FRAS1: variants seen among roughly 807,000 people sequenced by gnomAD.
FRAS1 encodes Fraser extracellular matrix complex subunit 1.
Under a neutral mutation model 435.2 loss-of-function variants are expected in FRAS1, and 290 were observed. That is an observed-to-expected ratio of 0.67 (90% CI 0.61 to 0.73). FRAS1 has a LOEUF of 0.73. Among genes scored for constraint, FRAS1 ranks in the 30% least tolerant of loss-of-function variants. The probability of loss-of-function intolerance (pLI) is 0.00; values close to 1 mark genes in which losing one functional copy is unlikely to be tolerated. For missense variants in FRAS1, 4,860 were observed against 5,001.5 expected (o/e 0.97, Z 0.85); for synonymous variants, 1,800 against 1,851.0 (o/e 0.97, Z 0.71).
intron 14 of FRAS1, among the ~76,000 whole-genome samples, chr4:78,298,889 T>C (rs1362790392): frequency 2.0e-5 from 3 of 152,092 alleles, no homozygotes; most frequent in Non-Finnish European, 4.4e-5. Flanking sequence ...CTGAATTCCA[T>C]TGAGATTGAT....
chr4:78,066,203 T>C (rs67045362), intron 2 of FRAS1, among the ~76,000 whole-genome samples, 187 bp downstream of exon 2: 25,069 of 152,194 alleles, frequency 0.16, 2,351 homozygotes, highest in Non-Finnish European at 0.21. Context: ...GTGAATTAGT[T>C]CTATTCAGAT....
intron 24 of FRAS1, 74 bp downstream of exon 24, chr4:78,372,932 A>C (rs1372700618): frequency 1.4e-6 from 2 of 1,437,618 alleles, no homozygotes; most frequent in African/African-American, 2.9e-5. Context: ...TCTCAGAAGG[A>C]AACAGTGGCA....
chr4:78,169,266 T>C (rs1721455961), intron 2 of FRAS1, among the ~76,000 whole-genome samples: 2 of 152,166 alleles, frequency 1.3e-5, no homozygotes. Flanking sequence ...GGTCTACTTT[T>C]CATTAACCAT....
At chr4:78,190,214 T>A (rs757261932) in intron 2 of FRAS1, among the ~76,000 whole-genome samples, 2 of 152,228 alleles carry the variant, frequency 1.3e-5, no homozygotes, top group Non-Finnish European at 2.9e-5. Context: ...CCCACTACAG[T>A]ACAGCCGCTG....
intron 19 of FRAS1, among the ~76,000 whole-genome samples, chr4:78,336,390 G>A (rs1730171640): frequency 6.6e-6 from 1 of 152,166 alleles, no homozygotes; most frequent in Non-Finnish European, 1.5e-5. Flanking sequence ...GGGGAGGAAA[G>A]TCTGGGTAGA....
At chr4:78,394,295 T>C (rs1732566055) in intron 29 of FRAS1, among the ~76,000 whole-genome samples, 1 of 152,164 alleles carries the variant, frequency 6.6e-6, no homozygotes, top group African/African-American at 2.4e-5. Flanking sequence ...CCAAGACCTA[T>C]ATCAAGGAGA....
rs1731557797 is a variant in FRAS1 at position 78,372,594 on chromosome 4, T to C, written c.2870-124T>C. On this transcript the variant is annotated intron_variant, in intron 23 of 73. Transcript: ENST00000512123. Reference sequence around the variant, plus strand: ...TGGAAACCTCATTTGAGCCTACTTATCTGACATCTCTTACGTTGTCCTTAT... The same window carrying C: ...TGGAAACCTCATTTGAGCCTACTTACCTGACATCTCTTACGTTGTCCTTAT... 6.1e-6 allele frequency: 7 copies of C among 1,152,752 alleles called. No homozygotes were observed. The East Asian group carries it at 1.6e-4, about 27-fold the overall frequency. The allele number at this position is 1,152,752 out of a possible 1,614,324, so 71.4% of individuals were successfully genotyped here. A position where few individuals can be genotyped will look rare whatever the true frequency, so the allele number is the denominator to read the frequency against.
chr4:78,308,361 AACAC>A (rs2110220720), intron 15 of FRAS1, among the ~76,000 whole-genome samples, 152 bp downstream of exon 15: 1 of 152,388 alleles, frequency 6.6e-6, no homozygotes, highest in African/African-American at 2.4e-5. Flanking sequence ...AGATGTGCAT[AACAC>A]ACTTTCCATC....
chr4:78,537,086 G>A lies in FRAS1; in HGVS notation c.11184G>A (p.Thr3728=), dbSNP rs377701316. ...KLQLEKVYLC[T]GKDGYVPFFD... ...AGCTGGAGAAAGTCTATCTTTGTAC[G>A]GGCAAGGATGGTTATGTGCCTTTCT... The change falls in exon 72 of 74, where the codon ACG becomes ACA. Residue 3728 remains threonine, a synonymous_variant. Transcript: ENST00000512123. 70 of 1,613,806 alleles carry A rather than the reference G, an allele frequency of 4.3e-5. No homozygotes were observed. The highest frequency in any genetic ancestry group is 2.0e-4 in the East Asian group (9 of 44,892).
chr4:78,508,853 C>G lies in FRAS1; in HGVS notation c.9627C>G (p.Tyr3209Ter). ...CCTGCGACCCTCATTTCCCCAGATACGCTGTCATGAAGGAGCGCTGCAGTG... is the reference window on the plus strand; with the variant it reads ...CCTGCGACCCTCATTTCCCCAGATAGGCTGTCATGAAGGAGCGCTGCAGTG... ...VTPCDPHFPR[Y>*]AVMKERCSEA... Residue 3209 changes from tyrosine to a stop codon, truncating the protein, a stop_gained, in exon 63 of 74, where the codon TAC becomes TAG. Transcript: ENST00000512123. LOFTEE classifies it high-confidence loss of function. The G allele has an allele frequency of 6.2e-7, 1 of 1,613,848 alleles. No homozygotes were observed. Among genetic ancestry groups the G allele is most frequent in the South Asian group, 1.1e-5 (1 of 91,068 alleles).
rs1739537940 is a variant in FRAS1, at chr4:78,057,767, T to A, written c.-243T>A. 4 of 554,952 alleles carry A rather than the reference T, an allele frequency of 7.2e-6. No individual in the cohort carries two copies. Among genetic ancestry groups the A allele is most frequent in the Non-Finnish European group, 1.3e-5 (4 of 312,458 alleles). 34.4% of individuals were successfully genotyped at this position (554,952 alleles called of 1,614,324 possible). ...CCAAAGCTCACGTTGGCGTCCTGCC[T>A]TGCGGGGGAACTCGGCGCGCTCTCT... On this transcript the variant is annotated 5_prime_UTR_variant, in exon 1 of 74. In the 5' UTR this introduces an upstream ATG that the reference lacks. Transcript: ENST00000512123. This position sits in a 1 kb window ranked among gnomAD's most constrained non-coding sequence, Gnocchi z 4.2.
intron 20 of FRAS1, among the ~76,000 whole-genome samples, chr4:78,342,365 C>T (rs1730427069): frequency 6.6e-6 from 1 of 152,144 alleles, no homozygotes; most frequent in African/African-American, 2.4e-5. Flanking sequence ...ATGGAGATGT[C>T]ATATGTGTGG....
intron 30 of FRAS1, among the ~76,000 whole-genome samples, chr4:78,403,652 A>G (rs1732987754): frequency 6.6e-6 from 1 of 152,228 alleles, no homozygotes; most frequent in South Asian, 2.1e-4. Context: ...TAGTATGTGC[A>G]TGAAGGACCT....
intron 59 of FRAS1, among the ~76,000 whole-genome samples, chr4:78,492,727 A>G (rs1415059322): frequency 1.3e-5 from 2 of 150,718 alleles, no homozygotes; most frequent in Non-Finnish European, 3.0e-5. Context: ...ATTCAGGACA[A>G]GGACAAGGCA....
chr4:78,123,603 C>A (rs1271619136), intron 2 of FRAS1, among the ~76,000 whole-genome samples: 1 of 152,184 alleles, frequency 6.6e-6, no homozygotes, highest in Non-Finnish European at 1.5e-5. Flanking sequence ...TTCTTCCTAT[C>A]CATGAGCATG....
chr4:78,085,071 AAATC>A (rs1741080425), intron 2 of FRAS1, among the ~76,000 whole-genome samples: 3 of 152,256 alleles, frequency 2.0e-5, no homozygotes, highest in East Asian at 1.9e-4. Context: ...TATAATTACT[AAATC>A]AATGAAAAAA....
rs563114363 is a variant in FRAS1, at chr4:78,150,416, G to A, written c.108+84400G>A. 1.3e-4 allele frequency among the ~76,000 whole-genome samples: 20 copies of A among 152,142 alleles called. No homozygotes were observed. In the South Asian group the frequency reaches 2.9e-3, roughly 22 times the overall value. ...AATTCTAATCACTTGGCATCTTCTC[G>A]GAACACAGATTGGAAAACAACAGTC... is the stretch of plus-strand genomic sequence containing the variant. On this transcript the variant is annotated intron_variant, in intron 2 of 73. Transcript: ENST00000512123.
intron 2 of FRAS1, among the ~76,000 whole-genome samples, chr4:78,223,006 C>T (rs1172967986): frequency 5.3e-5 from 8 of 152,166 alleles, no homozygotes. Context: ...TCCTCTGAGA[C>T]ACTTGATACC....
chr4:78,124,492 T>G (rs1042381691), intron 2 of FRAS1, among the ~76,000 whole-genome samples: 3 of 152,228 alleles, frequency 2.0e-5, no homozygotes, highest in African/African-American at 4.8e-5. Flanking sequence ...CCTCATAAAA[T>G]GAGTTAGGGA....
Sources: allele counts gnomAD v4.1 joint callset (sites outside exome capture counted in the v4.1 genomes callset), GRCh38; gene constraint gnomAD v4.1.1; non-coding constraint Gnocchi (gnomAD v3.1); transcripts MANE v1.5; gene names NCBI Gene and HGNC (gene_info 2026-07-23, HGNC 2026-07-21).